EXOC6B: variants seen among roughly 807,000 people sequenced by gnomAD.
EXOC6B encodes the protein SEC15 homolog B.
EXOC6B carries 54 observed loss-of-function variants against 113.5 expected under a neutral mutation model. The observed-to-expected ratio is 0.48, with a 90% CI of 0.38 to 0.60. The LOEUF (loss-of-function observed/expected upper bound fraction) is 0.60. Among genes scored for constraint, EXOC6B ranks in the 20% least tolerant of loss-of-function variants. The pLI, the probability that EXOC6B is intolerant of heterozygous loss-of-function variation, is 0.00. For synonymous variants in EXOC6B, 357 were observed against 339.0 expected, an observed-to-expected ratio of 1.05 and a Z score of -0.58; for missense variants, 797 against 977.5, an observed-to-expected ratio of 0.82 and a Z score of 2.46.
chr2:72,533,545 T>A (rs1309831409), intron 8 of EXOC6B, among the ~76,000 whole-genome samples: 1 of 152,180 alleles, frequency 6.6e-6, no homozygotes, highest in Non-Finnish European at 1.5e-5. Context: ...TATTTGCCCA[T>A]CATCTCTCAC....
intron 6 of EXOC6B, 27 bp from the exon 7 acceptor site, chr2:72,575,695 C>A (rs1372916356): frequency 6.6e-7 from 1 of 1,512,348 alleles, no homozygotes; most frequent in African/African-American, 1.4e-5. Flanking sequence ...CACACACAAA[C>A]ACACCAAAAA....
intron 19 of EXOC6B, among the ~76,000 whole-genome samples, chr2:72,337,153 A>G (rs1688737930): frequency 6.6e-6 from 1 of 152,156 alleles, no homozygotes; most frequent in Non-Finnish European, 1.5e-5. Context: ...TTTGAGTTAA[A>G]TGTACAATTT....
intron 6 of EXOC6B, among the ~76,000 whole-genome samples, chr2:72,582,692 C>A (rs1358766448): frequency 6.6e-6 from 1 of 152,048 alleles, no homozygotes; most frequent in Non-Finnish European, 1.5e-5. Flanking sequence ...GGAAGCAGTA[C>A]AAATATTCTG....
Position 72,733,133 on chromosome 2 carries a change from C to A in EXOC6B, c.280-15G>T. The A allele has an allele frequency of 6.4e-7, 1 of 1,563,790 alleles. No homozygotes were observed. The highest frequency in any genetic ancestry group is 8.7e-7 in the Non-Finnish European group (1 of 1,145,408). ...GTCACTTGATTCTGTGGAGAGAAGA[C>A]AATTTAAACTCATAAAAAACAAACA... On this transcript the variant is annotated splice_polypyrimidine_tract_variant and intron_variant, in intron 2 of 21. Coordinates refer to ENST00000272427, the MANE Select transcript of EXOC6B (RefSeq NM_015189.3).
intron 19 of EXOC6B, among the ~76,000 whole-genome samples, chr2:72,343,182 T>C (rs1689137016): frequency 2.6e-5 from 4 of 152,144 alleles, no homozygotes; most frequent in Admixed American, 2.6e-4. Flanking sequence ...TCCCAGAACT[T>C]TGGGAGGCCA....
intron 1 of EXOC6B, among the ~76,000 whole-genome samples, chr2:72,781,672 T>C (rs1684045138): frequency 6.6e-6 from 1 of 152,138 alleles, no homozygotes; most frequent in Non-Finnish European, 1.5e-5. Context: ...TGCAGGTCAC[T>C]GTGACAGAGG....
intron 18 of EXOC6B, among the ~76,000 whole-genome samples, chr2:72,402,162 A>G (rs766795573): frequency 1.3e-5 from 2 of 152,230 alleles, no homozygotes; most frequent in South Asian, 4.1e-4. Context: ...TTTTGATTAC[A>G]AAATCTCTCC....
intron 18 of EXOC6B, among the ~76,000 whole-genome samples, chr2:72,405,876 C>T (rs1164909940): frequency 6.6e-6 from 1 of 152,086 alleles, no homozygotes; most frequent in Non-Finnish European, 1.5e-5. Context: ...TGTAAATGGG[C>T]TAAATGCTCC....
At chr2:72,546,462 A>T (rs1055040620) in intron 8 of EXOC6B, among the ~76,000 whole-genome samples, 1 of 152,208 alleles carries the variant, frequency 6.6e-6, no homozygotes, top group African/African-American at 2.4e-5. Flanking sequence ...AGAGAGAGAG[A>T]GAGATTATGA....
At chr2:72,637,411 G>A (rs963674227) in intron 6 of EXOC6B, among the ~76,000 whole-genome samples, 2 of 151,992 alleles carry the variant, frequency 1.3e-5, no homozygotes, top group Admixed American at 6.6e-5. Flanking sequence ...CAGCATTTAT[G>A]AGGAACTTAA....
chr2:72,762,504 A>G (rs1397632456), intron 1 of EXOC6B, among the ~76,000 whole-genome samples: 1 of 152,020 alleles, frequency 6.6e-6, no homozygotes, highest in Admixed American at 6.6e-5. Flanking sequence ...AATTATATAA[A>G]GAAGAAGACA....
At chr2:72,693,684 T>G (rs753529600) in intron 6 of EXOC6B, among the ~76,000 whole-genome samples, 2 of 152,178 alleles carry the variant, frequency 1.3e-5, no homozygotes, top group Non-Finnish European at 2.9e-5. Flanking sequence ...AAATCAATAT[T>G]ATTGTGGCTG....
chr2:72,727,400 A>C (rs1289243363), intron 5 of EXOC6B, among the ~76,000 whole-genome samples: 4 of 152,162 alleles, frequency 2.6e-5, no homozygotes, highest in African/African-American at 9.7e-5. Flanking sequence ...AAAAGTAATA[A>C]AGTCATGAAA....
chr2:72,416,748 T>G (rs1444198910), intron 18 of EXOC6B, among the ~76,000 whole-genome samples: 1 of 152,242 alleles, frequency 6.6e-6, no homozygotes, highest in African/African-American at 2.4e-5. Flanking sequence ...ATGCCTCCTC[T>G]CCACAAACAC....
At chr2:72,821,269 A>G (rs1030820103) in intron 1 of EXOC6B, among the ~76,000 whole-genome samples, 2 of 152,166 alleles carry the variant, frequency 1.3e-5, no homozygotes. Context: ...CAAAACTACA[A>G]TGAAATGCAA....
At chr2:72,533,174 G>T (rs1417550967) in intron 8 of EXOC6B, among the ~76,000 whole-genome samples, 1 of 152,104 alleles carries the variant, frequency 6.6e-6, no homozygotes, top group African/African-American at 2.4e-5. Context: ...CATTATGAGG[G>T]CTATTTGGCA....
At chr2:72,480,838 T>C in intron 16 of EXOC6B, 88 bp from the exon 17 acceptor site, 2 of 1,328,210 alleles carry the variant, frequency 1.5e-6, no homozygotes, top group South Asian at 1.4e-5. Flanking sequence ...ACAAAACAAA[T>C]GTAAGGCATA....
intron 17 of EXOC6B, among the ~76,000 whole-genome samples, chr2:72,472,111 T>A (rs909751332): frequency 1.3e-5 from 2 of 152,162 alleles, no homozygotes; most frequent in Admixed American, 6.5e-5. Flanking sequence ...TTAAATTCAG[T>A]TTTCTAGTAT....
At chr2:72,418,887 C>G (rs928228988) in intron 18 of EXOC6B, among the ~76,000 whole-genome samples, 1 of 152,106 alleles carries the variant, frequency 6.6e-6, no homozygotes, top group Admixed American at 6.5e-5. Flanking sequence ...TCTGTCCCCC[C>G]CTTATTTCCT....
Sources: allele counts gnomAD v4.1 joint callset (sites outside exome capture counted in the v4.1 genomes callset), GRCh38; gene constraint gnomAD v4.1.1; transcripts MANE v1.5; gene names NCBI Gene and HGNC (gene_info 2026-07-23, HGNC 2026-07-21).